Variants in PRDM6 observed in about 807,000 individuals in gnomAD.
The protein encoded by PRDM6 is putative histone-lysine N-methyltransferase PRDM6.
PRDM6 carries 25 observed loss-of-function variants against 60.8 expected under a neutral mutation model. That is an observed-to-expected ratio of 0.41 (90% CI 0.30 to 0.57). The LOEUF (loss-of-function observed/expected upper bound fraction) is 0.57, where lower values mean the gene tolerates loss of function less well. Among genes scored for constraint, PRDM6 ranks in the 20% least tolerant of loss-of-function variants. The pLI is 0.27. For missense variants in PRDM6, 839 were observed against 821.3 expected (o/e 1.02, Z -0.26); for synonymous variants, 407 against 357.4 (o/e 1.14, Z -1.57).
At chr5:123,176,401 A>G (rs923710038) in intron 6 of PRDM6, among the ~76,000 whole-genome samples, 2 of 152,150 alleles carry the variant, frequency 1.3e-5, no homozygotes, top group African/African-American at 4.8e-5. Context: ...TTTAGAGAGA[A>G]TAAAGTGCTT....
intron 3 of PRDM6, among the ~76,000 whole-genome samples, chr5:123,153,416 CT>C (rs1765417852): frequency 6.6e-6 from 1 of 152,080 alleles, no homozygotes; most frequent in Non-Finnish European, 1.5e-5. Context: ...GCTCTGGGGG[CT>C]GAGGGAGAAA....
chr5:123,187,222 A>C lies in PRDM6; in HGVS notation c.*21A>C, dbSNP rs1766308496. 1 of 1,508,114 alleles carries C rather than the reference A, an allele frequency of 6.6e-7. No homozygotes were observed. Among genetic ancestry groups the C allele is most frequent in the Non-Finnish European group, 9.0e-7 (1 of 1,107,726 alleles). The allele number at this position is 1,508,114 out of a possible 1,614,324, so 93.4% of individuals were successfully genotyped here. A position where few individuals can be genotyped will look rare whatever the true frequency, so the allele number is the denominator to read the frequency against. On this transcript the variant is annotated 3_prime_UTR_variant, in exon 8 of 8. Coordinates refer to ENST00000407847, the MANE Select transcript of PRDM6 (RefSeq NM_001136239.4). Reference sequence around the variant, plus strand: ...ATTAACGGATTGACTGGTTGGAATTAAACTGCAAGGAAAGTCATGATTAAA... The same window carrying C: ...ATTAACGGATTGACTGGTTGGAATTCAACTGCAAGGAAAGTCATGATTAAA...
At chr5:123,115,749 A>G (rs1353649342) in intron 3 of PRDM6, among the ~76,000 whole-genome samples, 2 of 151,870 alleles carry the variant, frequency 1.3e-5, no homozygotes, top group Admixed American at 1.3e-4. Context: ...TTGACTCCAT[A>G]CTCTTAATAT....
At chr5:123,100,378 A>C (rs2150208163) in intron 3 of PRDM6, among the ~76,000 whole-genome samples, 3 of 152,320 alleles carry the variant, frequency 2.0e-5, no homozygotes, top group Admixed American at 2.0e-4. Flanking sequence ...CATTCCAAGC[A>C]CTTCCAGTGT....
chr5:123,090,336 C>G lies in PRDM6; in HGVS notation c.322C>G (p.Leu108Val), dbSNP rs1298179293. The G allele has an allele frequency of 3.4e-6, 5 of 1,478,408 alleles. No individual in the cohort carries two copies. The highest frequency in any genetic ancestry group is 3.6e-6 in the Non-Finnish European group (4 of 1,118,876). The allele number at this position is 1,478,408 out of a possible 1,614,324, so 91.6% of individuals were successfully genotyped here. ...AAAAAAALAG[L>V]SALPVSQLPV... ...GGCCGCTGCCGCCGCGCTGGCTGGT[C>G]TCTCGGCCCTGCCGGTGTCGCAGCT... is the stretch of plus-strand genomic sequence containing the variant. Residue 108 changes from leucine (L) to valine (V), a missense_variant, in exon 2 of 8, where the codon CTC (leucine) becomes GTC (valine). By Grantham distance (32) the Leu-to-Val change is conservative. This residue lies in a region of PRDM6 where 730 missense variants were observed against 648.8 expected (regional missense o/e 1.13). Transcript: ENST00000407847.
intron 3 of PRDM6, among the ~76,000 whole-genome samples, chr5:123,126,348 G>A (rs1301040162): frequency 6.6e-6 from 1 of 151,926 alleles, no homozygotes; most frequent in African/African-American, 2.4e-5. Context: ...TGTCAAAGGA[G>A]GTGAGTGACC....
At chr5:123,094,762 G>A (rs1763920480) in intron 2 of PRDM6, among the ~76,000 whole-genome samples, 2 of 152,088 alleles carry the variant, frequency 1.3e-5, no homozygotes, top group Admixed American at 1.3e-4. Flanking sequence ...CATCATCTCC[G>A]CATTGTATAT....
chr5:123,146,607 T>C (rs1265048745), intron 3 of PRDM6, among the ~76,000 whole-genome samples: 1 of 152,220 alleles, frequency 6.6e-6, no homozygotes, highest in Non-Finnish European at 1.5e-5. Context: ...CATGTTGTTG[T>C]TGTTGTTGTT....
rs111896792 is a variant in PRDM6, at chr5:123,155,388, A to C, written c.901-496A>C. On this transcript the variant is annotated intron_variant, in intron 3 of 7. Transcript: ENST00000407847. ...CACCCAAATCAGAGTCTGTTTTGCC[A>C]GTTCTTTACGGCTCCATAACTCTCC... 9.6e-3 allele frequency among the ~76,000 whole-genome samples: 1,432 copies of C among 148,820 alleles called. 25 individuals carry two copies. Among genetic ancestry groups the C allele is most frequent in the African/African-American group, 0.033 (1,348 of 40,264 alleles).
chr5:123,149,399 T>A (rs1045020168), intron 3 of PRDM6, among the ~76,000 whole-genome samples: 1 of 152,148 alleles, frequency 6.6e-6, no homozygotes, highest in African/African-American at 2.4e-5. Context: ...GCACTGTAAG[T>A]TGGGGCTCCC....
chr5:123,188,445 G>A lies in PRDM6; in HGVS notation c.*1244G>A, dbSNP rs1017007673. 2 of 152,324 alleles carry A rather than the reference G, an allele frequency of 1.3e-5. No homozygotes were observed. The highest frequency in any genetic ancestry group is 1.9e-4 in the East Asian group (1 of 5,188). The allele number at this position is 152,324 out of a possible 1,614,324, so 9.4% of individuals were successfully genotyped here. A position where few individuals can be genotyped will look rare whatever the true frequency, so the allele number is the denominator to read the frequency against. On this transcript the variant is annotated 3_prime_UTR_variant, in exon 8 of 8. Coordinates refer to ENST00000407847, the MANE Select transcript of PRDM6 (RefSeq NM_001136239.4). ...GAGAATGTGAGTTTAATTTCAGCTA[G>A]CCTGTTGGTGGTTCAACAGTGGTGC...
intron 6 of PRDM6, among the ~76,000 whole-genome samples, chr5:123,176,808 A>C (rs193234093): frequency 2.0e-5 from 3 of 152,372 alleles, no homozygotes; most frequent in Admixed American, 6.5e-5. Context: ...CAAGAATGTC[A>C]GTTCTTAAGA....
At chr5:123,172,006 C>T (rs1765900241) in intron 6 of PRDM6, among the ~76,000 whole-genome samples, 1 of 152,116 alleles carries the variant, frequency 6.6e-6, no homozygotes, top group African/African-American at 2.4e-5. Context: ...ATTCAAAATG[C>T]ACTTTGAATA....
At chr5:123,097,692 T>C (rs1226446533) in intron 2 of PRDM6, among the ~76,000 whole-genome samples, 1 of 152,104 alleles carries the variant, frequency 6.6e-6, no homozygotes, top group Non-Finnish European at 1.5e-5. Context: ...GGAGTTGACA[T>C]ATGGATAAGT....
chr5:123,108,735 T>G (rs1218497174), intron 3 of PRDM6, among the ~76,000 whole-genome samples: 1 of 152,150 alleles, frequency 6.6e-6, no homozygotes, highest in Non-Finnish European at 1.5e-5. Context: ...AAAGTCGAAC[T>G]ATGTAAGGGT....
Position 123,099,742 on chromosome 5 carries a change from C to A in PRDM6, c.681C>A (p.Ser227Arg), listed in dbSNP as rs1209715576. 6.5e-7 allele frequency: 1 copy of A among 1,543,806 alleles called. No homozygotes were observed. The highest frequency in any genetic ancestry group is 8.7e-7 in the Non-Finnish European group (1 of 1,144,196). Residue 227 changes from serine (S) to arginine (R), a missense_variant, in exon 3 of 8, where the codon AGC becomes AGA. Ser to Arg is a moderately radical substitution (Grantham distance 110). Coordinates refer to ENST00000407847, the MANE Select transcript of PRDM6 (RefSeq NM_001136239.4). This position sits in a 1 kb window ranked among gnomAD's most constrained non-coding sequence, Gnocchi z 4.0. ...TGCGCCGGCTTGTGGGCACCAGCAGCGCTGCGGCCGCCGCGCCCCCGCCGG... is the reference window on the plus strand; with the variant it reads ...TGCGCCGGCTTGTGGGCACCAGCAGAGCTGCGGCCGCCGCGCCCCCGCCGG... ...HSLRRLVGTS[S>R]AAAAAPPPEL...
intron 3 of PRDM6, among the ~76,000 whole-genome samples, chr5:123,100,916 C>G (rs1764088064): frequency 6.6e-6 from 1 of 152,138 alleles, no homozygotes; most frequent in African/African-American, 2.4e-5. Flanking sequence ...AAGTCATACC[C>G]TTAAACAATA....
intron 3 of PRDM6, among the ~76,000 whole-genome samples, chr5:123,124,649 T>C (rs1764653304): frequency 6.6e-6 from 1 of 152,196 alleles, no homozygotes; most frequent in Non-Finnish European, 1.5e-5. Context: ...TTAAAATGGC[T>C]CTTCCCAAGA....
In PRDM6 at chr5:123,192,918, G is replaced by C. The variant is rs904328492; in HGVS notation, c.*5717G>C. 1.3e-5 allele frequency: 2 copies of C among 152,188 alleles called. No homozygotes were observed. The highest frequency in any genetic ancestry group is 4.8e-5 in the African/African-American group (2 of 41,438). The allele number at this position is 152,188 out of a possible 1,614,324, so 9.4% of individuals were successfully genotyped here. A position where few individuals can be genotyped will look rare whatever the true frequency, so the allele number is the denominator to read the frequency against. On this transcript the variant is annotated 3_prime_UTR_variant, in exon 8 of 8. Transcript: ENST00000407847. ...AGCAGAAAGACTGGAGTCATTATAG[G>C]TTTGGTTTGTCAAAGGCACAGATAG...
Sources: gnomAD v4.1 joint callset for allele counts (sites outside exome capture counted in the v4.1 genomes callset) on GRCh38, gnomAD v4.1.1 for gene constraint, gnomAD v4.1.1 regional missense constraint, Gnocchi (gnomAD v3.1) non-coding constraint, MANE v1.5 for transcripts, NCBI Gene and HGNC (gene_info 2026-07-23, HGNC 2026-07-21) for gene names.